Variants in ZSCAN26 observed in about 807,000 individuals in gnomAD.
The protein encoded by ZSCAN26 is zinc finger and SCAN domain-containing protein 26.
ZSCAN26 carries 26 observed loss-of-function variants against 23.0 expected under a neutral mutation model. That is an observed-to-expected ratio of 1.13 (90% CI 0.83 to 1.57). The LOEUF is 1.57. ZSCAN26 is among the 40% of genes most tolerant of loss of function. The pLI, the probability that ZSCAN26 is intolerant of heterozygous loss-of-function variation, is 0.00. For synonymous variants in ZSCAN26, 180 were observed against 202.5 expected (o/e 0.89, Z 0.94); for missense variants, 528 against 568.5 (o/e 0.93, Z 0.72).
At chr6:28,267,691 G>A (rs1184243490) in intron 1 of ZSCAN26, among the ~76,000 whole-genome samples, 1 of 152,188 alleles carries the variant, frequency 6.6e-6, no homozygotes, top group Non-Finnish European at 1.5e-5. Context: ...GTATGGAGAG[G>A]AAGAGTGTAG....
rs1761999302 is a variant in ZSCAN26 at position 28,277,439 on chromosome 6, T to C, written c.*343T>C. 4.0e-6 allele frequency: 1 copy of C among 249,926 alleles called. No individual in the cohort carries two copies. Among genetic ancestry groups the C allele is most frequent in the Non-Finnish European group, 7.7e-6 (1 of 129,830 alleles). 15.5% of individuals were successfully genotyped at this position (249,926 alleles called of 1,614,324 possible). A position where few individuals can be genotyped will look rare whatever the true frequency, so the allele number is the denominator to read the frequency against. On this transcript the variant is annotated 3_prime_UTR_variant, in exon 4 of 4. Transcript: ENST00000421553. Reference sequence around the variant, plus strand: ...AGCAGTGAATCAAGTGCCCACAGATTTGCAGGCTTAAGCAGAACAAGGGAA... The same window carrying C: ...AGCAGTGAATCAAGTGCCCACAGATCTGCAGGCTTAAGCAGAACAAGGGAA...
At chr6:28,272,383 A>T (rs186084116) in intron 2 of ZSCAN26, 44 bp downstream of exon 2, 1 of 1,465,220 alleles carries the variant, frequency 6.8e-7, no homozygotes, top group East Asian at 2.5e-5. Flanking sequence ...AGGAATTGAG[A>T]TCTCTGGCCA....
At position 28,276,957 on chromosome 6, in the gene ZSCAN26, TA is replaced by T; in HGVS notation, c.1304del (p.Asn435ThrfsTer8). Reference protein sequence around the residue: ...KCNICQKAFRLNSHLAQHVRI... With the variant: ...KCNICQKAFRXNSHLAQHVRI... ...AACATATGCCAGAAAGCCTTCCGAC[TA>T]AACTCACACCTTGCTCAGCATGTAA... is the stretch of plus-strand genomic sequence containing the variant. On this transcript the variant is annotated frameshift_variant, in exon 4 of 4. Coordinates refer to ENST00000421553, the MANE Select transcript of ZSCAN26 (RefSeq NM_001023560.4). LOFTEE classifies it high-confidence loss of function. 1 of 1,614,024 alleles carries T rather than the reference TA, an allele frequency of 6.2e-7. No individual in the cohort carries two copies. The highest frequency in any genetic ancestry group is 1.1e-5 in the South Asian group (1 of 91,086).
chr6:28,277,034 T>C lies in ZSCAN26; in HGVS notation c.1378T>C (p.Phe460Leu). The C allele has an allele frequency of 6.2e-7, 1 of 1,613,988 alleles. No homozygotes were observed. Among genetic ancestry groups the C allele is most frequent in the South Asian group, 1.1e-5 (1 of 91,088 alleles). ...TCAGTGTAGTGAATGTGGAGAAGCC[T>C]TCAGGCAAAGGTCAGGTCTTTTTCA... ...PYQCSECGEA[F>L]RQRSGLFQHQ... The change falls in exon 4 of 4, where the codon TTC (phenylalanine) becomes CTC (leucine). Residue 460 changes from phenylalanine (F) to leucine (L), a missense_variant. Transcript: ENST00000421553.
Position 28,276,913 on chromosome 6 carries a change from A to G in ZSCAN26, c.1257A>G (p.Gly419=). The change falls in exon 4 of 4, where the codon GGA becomes GGG. Residue 419 remains glycine (G), a synonymous_variant. Coordinates refer to ENST00000421553, the MANE Select transcript of ZSCAN26 (RefSeq NM_001023560.4). The part of the protein sequence containing the change: ...DLIRHHRIHT[G]EKPFKCNICQ... ...TTCGACACCACAGAATTCATACTGGAGAAAAACCTTTCAAGTGTAACATAT... is the reference window on the plus strand; with the variant it reads ...TTCGACACCACAGAATTCATACTGGGGAAAAACCTTTCAAGTGTAACATAT... 6.2e-7 allele frequency: 1 copy of G among 1,614,044 alleles called. No individual in the cohort carries two copies. The highest frequency in any genetic ancestry group is 1.1e-5 in the South Asian group (1 of 91,090).
chr6:28,276,698 T>C lies in ZSCAN26; in HGVS notation c.1042T>C (p.Phe348Leu), dbSNP rs1477596965. The C allele has an allele frequency of 6.2e-7, 1 of 1,612,622 alleles. No individual in the cohort carries two copies. The highest frequency in any genetic ancestry group is 1.7e-5 in the Admixed American group (1 of 59,784). Reference sequence around the variant, plus strand: ...TCTATGTATCCATTGTGGAAAAAATTTTAGGCGCAGCTCTCACCTTAATCG... The same window carrying C: ...TCTATGTATCCATTGTGGAAAAAATCTTAGGCGCAGCTCTCACCTTAATCG... ...PYLCIHCGKN[F>L]RRSSHLNRHQ... is the part of the protein sequence containing the mutation. Residue 348 changes from phenylalanine (F) to leucine (L), a missense_variant, in exon 4 of 4, where the codon TTT becomes CTT. Physicochemically the swap from Phe to Leu is conservative, Grantham distance 22. Coordinates refer to ENST00000421553, the MANE Select transcript of ZSCAN26 (RefSeq NM_001023560.4).
chr6:28,277,168 C>A lies in ZSCAN26; in HGVS notation c.*72C>A. 1.4e-6 allele frequency: 2 copies of A among 1,473,654 alleles called. No individual in the cohort carries two copies. The highest frequency in any genetic ancestry group is 2.7e-5 in the South Asian group (2 of 75,188). The allele number at this position is 1,473,654 out of a possible 1,614,324, so 91.3% of individuals were successfully genotyped here. A position where few individuals can be genotyped will look rare whatever the true frequency, so the allele number is the denominator to read the frequency against. On this transcript the variant is annotated 3_prime_UTR_variant, in exon 4 of 4. Transcript: ENST00000421553. The stretch of plus-strand genomic sequence containing the variant: ...GCAAACAGCACTTTAGGAAAAGTCA[C>A]CGTAGCCCACTGTGGCATCAGAAAA...
rs941839224 is a variant in ZSCAN26 at position 28,271,899 on chromosome 6, G to A, written c.-21G>A. ...TCCAAAGAAAGTTCTCCAAAACAAG[G>A]AGAACAGTCTGAAGCTGGGGATGGC... On this transcript the variant is annotated 5_prime_UTR_variant, in exon 2 of 4. Coordinates refer to ENST00000421553, the MANE Select transcript of ZSCAN26 (RefSeq NM_001023560.4). 14 of 1,531,302 alleles carry A rather than the reference G, an allele frequency of 9.1e-6. No individual in the cohort carries two copies. The highest frequency in any genetic ancestry group is 1.2e-5 in the Non-Finnish European group (14 of 1,138,562). 94.9% of individuals were successfully genotyped at this position (1,531,302 alleles called of 1,614,324 possible).
At chr6:28,267,987 C>G (rs1225722576) in intron 1 of ZSCAN26, among the ~76,000 whole-genome samples, 1 of 152,012 alleles carries the variant, frequency 6.6e-6, no homozygotes, top group Non-Finnish European at 1.5e-5. Context: ...ATATTTGCTA[C>G]TGGGTCAGAT....
At chr6:28,272,809 CT>C in intron 3 of ZSCAN26, 22 bp downstream of exon 3, 1 of 1,590,364 alleles carries the variant, frequency 6.3e-7, no homozygotes, top group Non-Finnish European at 8.6e-7. Context: ...ATTGCATCTT[CT>C]GTGTGTGAGA....
intron 3 of ZSCAN26, among the ~76,000 whole-genome samples, chr6:28,275,125 T>G (rs552562933): frequency 6.6e-6 from 1 of 152,340 alleles, no homozygotes; most frequent in Admixed American, 6.5e-5. Flanking sequence ...ACTTATCTGC[T>G]GAATTAACTT....
intron 1 of ZSCAN26, among the ~76,000 whole-genome samples, chr6:28,268,885 G>T (rs903357523): frequency 6.6e-6 from 1 of 152,102 alleles, no homozygotes; most frequent in Non-Finnish European, 1.5e-5. Context: ...GGCTGAGGAC[G>T]GTGGATCACT....
chr6:28,270,132 A>G (rs1419981135), intron 1 of ZSCAN26, among the ~76,000 whole-genome samples: 1 of 152,144 alleles, frequency 6.6e-6, no homozygotes, highest in Admixed American at 6.5e-5. Context: ...TTTAGTAGAC[A>G]CGGGGTTTCA....
In ZSCAN26 at chr6:28,276,968, C is replaced by G. The variant is rs748885770; in HGVS notation, c.1312C>G (p.Leu438Val). The change falls in exon 4 of 4, where the codon CTT becomes GTT. Residue 438 changes from leucine (L) to valine (V), a missense_variant. By Grantham distance (32) the Leu-to-Val change is conservative (BLOSUM62 1). Transcript: ENST00000421553. ...CQKAFRLNSH[L>V]AQHVRIHNEE... ...GAAAGCCTTCCGACTAAACTCACACCTTGCTCAGCATGTAAGAATCCACAA... is the reference window on the plus strand; with the variant it reads ...GAAAGCCTTCCGACTAAACTCACACGTTGCTCAGCATGTAAGAATCCACAA... 1 of 1,614,012 alleles carries G rather than the reference C, an allele frequency of 6.2e-7. No homozygotes were observed. Among genetic ancestry groups the G allele is most frequent in the Non-Finnish European group, 8.5e-7 (1 of 1,179,882 alleles).
chr6:28,268,208 A>G (rs1192998853), intron 1 of ZSCAN26, among the ~76,000 whole-genome samples: 8 of 152,052 alleles, frequency 5.3e-5, no homozygotes, highest in Admixed American at 5.2e-4. Flanking sequence ...AATATATGTG[A>G]AACATGTAGT....
chr6:28,275,265 G>A (rs1150726), intron 3 of ZSCAN26, among the ~76,000 whole-genome samples: 76,674 of 152,074 alleles, frequency 0.5, 23,710 homozygotes, highest in African/African-American at 0.87. Flanking sequence ...CCTAGCCTTT[G>A]AAGAGTTATC....
chr6:28,269,174 A>G (rs1761576992), intron 1 of ZSCAN26, among the ~76,000 whole-genome samples: 3 of 151,918 alleles, frequency 2.0e-5, no homozygotes, highest in African/African-American at 4.8e-5. Flanking sequence ...CCACATGTTT[A>G]TTTATATACC....
At chr6:28,270,903 C>T (rs1227871778) in intron 1 of ZSCAN26, among the ~76,000 whole-genome samples, 2 of 152,228 alleles carry the variant, frequency 1.3e-5, no homozygotes, top group Non-Finnish European at 2.9e-5. Context: ...ACACTGTGCT[C>T]ATATCATTTC....
At chr6:28,270,290 A>G (rs1428207648) in intron 1 of ZSCAN26, among the ~76,000 whole-genome samples, 1 of 152,214 alleles carries the variant, frequency 6.6e-6, no homozygotes. Context: ...ATATAACAGC[A>G]AACTGTTTGG....
Sources: gnomAD v4.1 joint callset for allele counts (sites outside exome capture counted in the v4.1 genomes callset) on GRCh38, gnomAD v4.1.1 for gene constraint, MANE v1.5 for transcripts, NCBI Gene and HGNC (gene_info 2026-07-23, HGNC 2026-07-21) for gene names.